Variants in DNAH10 observed in about 807,000 individuals in gnomAD.
The protein encoded by DNAH10 is dynein axonemal heavy chain 10.
DNAH10 carries 348 observed loss-of-function variants against 506.6 expected under a neutral mutation model. The observed-to-expected ratio is 0.69, with a 90% confidence interval of 0.63 to 0.75. The LOEUF is 0.75. Among genes scored for constraint, DNAH10 ranks in the 30% least tolerant of loss-of-function variants. DNAH10 has a pLI of 0.00. For synonymous variants in DNAH10, 2,059 were observed against 2,198.6 expected (o/e 0.94, Z 1.78); for missense variants, 5,179 against 5,787.1 (o/e 0.89, Z 3.41).
At chr12:123,901,053 C>G (rs550868996) in intron 56 of DNAH10, among the ~76,000 whole-genome samples, 2 of 152,344 alleles carry the variant, frequency 1.3e-5, no homozygotes, top group African/African-American at 4.8e-5. Flanking sequence ...AATCCTCTCT[C>G]CTGAGGGTGG....
intron 39 of DNAH10, among the ~76,000 whole-genome samples, chr12:123,863,074 A>G (rs1488968864): frequency 6.6e-6 from 1 of 152,242 alleles, no homozygotes; most frequent in Admixed American, 6.5e-5. Context: ...GGAAAAAAAT[A>G]CAGGAAGGAA....
intron 30 of DNAH10, among the ~76,000 whole-genome samples, chr12:123,844,826 A>G (rs1199421884): frequency 6.6e-6 from 1 of 152,074 alleles, no homozygotes; most frequent in Non-Finnish European, 1.5e-5. Flanking sequence ...TTTGGTAGAG[A>G]CAAGGTTTCG....
chr12:123,773,394 A>C (rs1215936219), intron 4 of DNAH10, among the ~76,000 whole-genome samples: 1 of 152,184 alleles, frequency 6.6e-6, no homozygotes, highest in Non-Finnish European at 1.5e-5. Context: ...TTTTCAAACA[A>C]CCCATGACTC....
chr12:123,844,181 C>T (rs140711860), intron 30 of DNAH10, among the ~76,000 whole-genome samples: 4 of 152,188 alleles, frequency 2.6e-5, no homozygotes, highest in East Asian at 1.9e-4. Flanking sequence ...CTTATAAAAC[C>T]GTCAGATCTC....
intron 42 of DNAH10, 46 bp from the exon 43 acceptor site, chr12:123,867,857 G>A (rs754419612): frequency 2.6e-5 from 40 of 1,566,666 alleles, no homozygotes; most frequent in South Asian, 3.5e-5. Flanking sequence ...TGGACTCTGT[G>A]GGGGTGGACT....
In DNAH10 at chr12:123,848,761, A is replaced by T; in HGVS notation, c.5981A>T (p.Gln1994Leu). 1 of 1,614,018 alleles carries T rather than the reference A, an allele frequency of 6.2e-7. No individual in the cohort carries two copies. The change falls in exon 34 of 79, where the codon CAG becomes CTG. Residue 1994 changes from glutamine to leucine, a missense_variant. Around this residue, in one of 3 missense-constraint regions of DNAH10, gnomAD observed 4,844 missense variants for 5,430.5 expected, o/e 0.89. Coordinates refer to ENST00000673944, the MANE Select transcript of DNAH10 (RefSeq NM_001372106.1). ...GGGAAGATTTTCTCTGGCCTGGCAC[A>T]GTGCGGGGCTTGGGGCTGCTTTGAT... ...AVGKIFSGLA[Q>L]CGAWGCFDEF...
In DNAH10 at chr12:123,850,856, T is replaced by A; in HGVS notation, c.6103-32T>A. 3.8e-6 allele frequency: 6 copies of A among 1,585,372 alleles called. No homozygotes were observed. Among genetic ancestry groups the A allele is most frequent in the Middle Eastern group, 1.8e-4 (1 of 5,534 alleles). On this transcript the variant is annotated intron_variant, in intron 34 of 78. Transcript: ENST00000673944. This position sits in a 1 kb window ranked among gnomAD's most constrained non-coding sequence, Gnocchi z 5.5. ...GGGCTGGCCGGCCGGGCCACCTAAC[T>A]GCTTCTTTCTTTCTTCCTTCTTGCC...
intron 56 of DNAH10, among the ~76,000 whole-genome samples, chr12:123,899,518 C>A (rs977328646): frequency 2.0e-5 from 3 of 152,286 alleles, no homozygotes; most frequent in Admixed American, 2.0e-4. Context: ...TCATTGCACC[C>A]GGCCCTGTGC....
chr12:123,836,793 G>A (rs1039697881), intron 28 of DNAH10, among the ~76,000 whole-genome samples: 2 of 152,074 alleles, frequency 1.3e-5, no homozygotes, highest in African/African-American at 4.8e-5. Flanking sequence ...GCCGAGGTGG[G>A]CGATCACTTG....
At position 123,925,888 on chromosome 12, in the gene DNAH10, C is replaced by T. The variant is rs534752593; in HGVS notation, c.11921+684C>T. The T allele has an allele frequency of 6.6e-6, 1 of 152,244 alleles. No homozygotes were observed. Among genetic ancestry groups the T allele is most frequent in the East Asian group, 1.9e-4 (1 of 5,192 alleles). The allele number at this position is 152,244 out of a possible 1,614,324, so 9.4% of individuals were successfully genotyped here. A position where few individuals can be genotyped will look rare whatever the true frequency, so the allele number is the denominator to read the frequency against. On this transcript the variant is annotated intron_variant, in intron 68 of 78. Coordinates refer to ENST00000673944, the MANE Select transcript of DNAH10 (RefSeq NM_001372106.1). This position sits in a 1 kb window ranked among gnomAD's most constrained non-coding sequence, Gnocchi z 4.0. ...AAGAAGCTAGGACTTCAGATTTTTT[C>T]CTGAAATATCCCAATATCTTTGTGT...
intron 27 of DNAH10, among the ~76,000 whole-genome samples, chr12:123,833,795 C>T (rs769175807): frequency 6.6e-6 from 1 of 152,046 alleles, no homozygotes; most frequent in Non-Finnish European, 1.5e-5. Flanking sequence ...TAGCTCATCT[C>T]ACATGTAGTT....
In DNAH10 at chr12:123,787,097, C is replaced by T. The variant is rs1172711815; in HGVS notation, c.1422-707C>T. On this transcript the variant is annotated intron_variant, in intron 9 of 78. Transcript: ENST00000673944. The surrounding 1 kb of genome is among the most constrained non-coding windows in gnomAD (Gnocchi z 4.6). ...GAGGTTGCAGTGAGCCGAGATTGCA[C>T]CTGTCTATATCTGTATCTATATCAT... 2.6e-5 allele frequency among the ~76,000 whole-genome samples: 4 copies of T among 152,134 alleles called. No individual in the cohort carries two copies. The highest frequency in any genetic ancestry group is 1.9e-4 in the East Asian group (1 of 5,186).
chr12:123,897,500 G>A (rs922312874), intron 54 of DNAH10, among the ~76,000 whole-genome samples: 3 of 152,196 alleles, frequency 2.0e-5, no homozygotes, highest in East Asian at 1.9e-4. Flanking sequence ...GAGGTGGACC[G>A]ATTGCCTTAG....
chr12:123,872,367 A>G (rs527699956), intron 45 of DNAH10, among the ~76,000 whole-genome samples: 54 of 152,258 alleles, frequency 3.5e-4, no homozygotes, highest in African/African-American at 1.2e-3. Context: ...TTACAGCCAG[A>G]GGGACCTGCA....
chr12:123,762,375 G>A lies in DNAH10; in HGVS notation c.39G>A (p.Val13=), dbSNP rs1317296735. Residue 13 remains valine, a synonymous_variant, in exon 1 of 79, where the codon GTG becomes GTA. Coordinates refer to ENST00000673944, the MANE Select transcript of DNAH10 (RefSeq NM_001372106.1). This position sits in a 1 kb window ranked among gnomAD's most constrained non-coding sequence, Gnocchi z 5.0. ...GGGTGCTGTGGATGCGCGACCGCGT[G>A]TATGCGGCTTTCGGCATCACCGACC... ...DLRVLWMRDR[V]YAAFGITDPQ... 1.5e-6 allele frequency: 2 copies of A among 1,378,882 alleles called. No homozygotes were observed. Among genetic ancestry groups the A allele is most frequent in the Non-Finnish European group, 1.9e-6 (2 of 1,062,602 alleles). The allele number at this position is 1,378,882 out of a possible 1,614,324, so 85.4% of individuals were successfully genotyped here.
intron 54 of DNAH10, among the ~76,000 whole-genome samples, chr12:123,896,718 A>AG (rs1491558217): frequency 7.6e-6 from 1 of 131,294 alleles, no homozygotes; most frequent in Non-Finnish European, 1.6e-5. Context: ...CCCTGTCTCA[A>AG]GAAAAAAAAA....
rs1953071891 is a variant in DNAH10 at position 123,893,326 on chromosome 12, A to G, written c.9089A>G (p.Lys3030Arg). The G allele has an allele frequency of 6.2e-7, 1 of 1,613,966 alleles. No homozygotes were observed. Among genetic ancestry groups the G allele is most frequent in the African/African-American group, 1.3e-5 (1 of 74,960 alleles). The change falls in exon 53 of 79, where the codon AAG becomes AGG. Residue 3030 changes from lysine (K) to arginine (R), a missense_variant. Lys to Arg is a conservative substitution (Grantham distance 26). Around this residue, in one of 3 missense-constraint regions of DNAH10, gnomAD observed 4,844 missense variants for 5,430.5 expected, o/e 0.89. Transcript: ENST00000673944. ...CTGAAGCAAGGCATGGGGCCGGCCA[A>G]GGAGTCTGTGTGGCAGTACTTCGTG... Reference protein sequence around the residue: ...EALKQGMGPAKESVWQYFVNK... With the variant: ...EALKQGMGPARESVWQYFVNK...
In DNAH10 at chr12:123,925,666, T is replaced by C. The variant is rs1954911917; in HGVS notation, c.11921+462T>C. ...GCCTCACGGCCATCGCACTGGACAATGTAGCTCTAGCATGGGGTACGAAGC... is the reference window on the plus strand; with the variant it reads ...GCCTCACGGCCATCGCACTGGACAACGTAGCTCTAGCATGGGGTACGAAGC... On this transcript the variant is annotated intron_variant, in intron 68 of 78. Coordinates refer to ENST00000673944, the MANE Select transcript of DNAH10 (RefSeq NM_001372106.1). This position sits in a 1 kb window ranked among gnomAD's most constrained non-coding sequence, Gnocchi z 4.0. 6.3e-6 allele frequency: 1 copy of C among 159,950 alleles called. No individual in the cohort carries two copies. Among genetic ancestry groups the C allele is most frequent in the African/African-American group, 2.4e-5 (1 of 41,516 alleles). 9.9% of individuals were successfully genotyped at this position (159,950 alleles called of 1,614,324 possible).
intron 78 of DNAH10, among the ~76,000 whole-genome samples, 165 bp from the exon 79 acceptor site, chr12:123,935,170 C>G (rs1030889126): frequency 2.0e-5 from 3 of 152,190 alleles, no homozygotes; most frequent in Admixed American, 1.3e-4. Flanking sequence ...GCCAGGTCCC[C>G]GTGAAGCTGG....
Sources: allele counts gnomAD v4.1 joint callset (sites outside exome capture counted in the v4.1 genomes callset), GRCh38; gene constraint gnomAD v4.1.1; regional missense constraint gnomAD v4.1.1; non-coding constraint Gnocchi (gnomAD v3.1); transcripts MANE v1.5; gene names NCBI Gene and HGNC (gene_info 2026-07-23, HGNC 2026-07-21).